The following CDYL variants were observed in gnomAD, a reference collection of about 807,000 sequenced individuals.
CDYL encodes the protein chromodomain Y-like protein.
In CDYL, 8 loss-of-function variants were observed where a neutral mutation model predicts 47.3. The ratio of observed to expected loss-of-function variants is 0.17; its 90% CI spans 0.10 to 0.31. CDYL has a LOEUF of 0.31. CDYL is among the 10% of genes least tolerant of loss of function. CDYL has a pLI of 1.00. For synonymous variants in CDYL, 266 were observed against 265.0 expected, an observed-to-expected ratio of 1.00 and a Z score of -0.04; for missense variants, 471 against 701.4, an observed-to-expected ratio of 0.67 and a Z score of 3.71.
intron 1 of CDYL, among the ~76,000 whole-genome samples, chr6:4,710,882 A>T (rs2127406277): frequency 6.6e-6 from 1 of 151,206 alleles, no homozygotes; most frequent in South Asian, 2.1e-4. Flanking sequence ...TGAATGCTGG[A>T]AATTGGCAAA....
chr6:4,866,435 G>A (rs1761325006), intron 1 of CDYL, among the ~76,000 whole-genome samples: 1 of 152,022 alleles, frequency 6.6e-6, no homozygotes, highest in African/African-American at 2.4e-5. Context: ...ACATCTACAG[G>A]AATAGCAAGT....
At chr6:4,714,428 G>C (rs1239644193) in intron 1 of CDYL, 1 of 152,240 alleles carries the variant, frequency 6.6e-6, no homozygotes, top group African/African-American at 2.4e-5. Context: ...TCACAGAACT[G>C]TTGTGAAGAC....
chr6:4,876,434 G>A (rs1222949562), intron 1 of CDYL, among the ~76,000 whole-genome samples: 1 of 152,136 alleles, frequency 6.6e-6, no homozygotes, highest in Non-Finnish European at 1.5e-5. Context: ...CAAAGTGGCT[G>A]TCCCATTTTA....
intron 1 of CDYL, among the ~76,000 whole-genome samples, chr6:4,795,768 A>T (rs868234904): frequency 1.4e-5 from 2 of 144,592 alleles, no homozygotes; most frequent in African/African-American, 2.6e-5. Context: ...CTTGTCTTTC[A>T]TTATTTCTGG....
intron 1 of CDYL, among the ~76,000 whole-genome samples, chr6:4,843,756 T>C (rs1429118639): frequency 6.6e-6 from 1 of 152,190 alleles, no homozygotes; most frequent in Non-Finnish European, 1.5e-5. Flanking sequence ...TTTTATTAAG[T>C]TGGACTTTAC....
At chr6:4,772,279 A>C (rs891291129), upstream of CDYL, among the ~76,000 whole-genome samples, 8 of 152,218 alleles carry the variant, frequency 5.3e-5, no homozygotes, top group African/African-American at 1.7e-4. Flanking sequence ...GCAGTGTGGC[A>C]GCTGGCTACT....
At chr6:4,924,579 C>A (rs899607834) in intron 2 of CDYL, among the ~76,000 whole-genome samples, 1 of 152,172 alleles carries the variant, frequency 6.6e-6, no homozygotes, top group Non-Finnish European at 1.5e-5. Context: ...TCCTCACTCC[C>A]CATTGAGCTC....
chr6:4,931,528 C>A (rs1168474551), intron 2 of CDYL, among the ~76,000 whole-genome samples: 1 of 152,090 alleles, frequency 6.6e-6, no homozygotes, highest in Non-Finnish European at 1.5e-5. Flanking sequence ...ACATGAGAAC[C>A]CCGGGTGATG....
chr6:4,905,848 T>C (rs1347904480), intron 2 of CDYL, among the ~76,000 whole-genome samples: 1 of 152,244 alleles, frequency 6.6e-6, no homozygotes, highest in Non-Finnish European at 1.5e-5. Flanking sequence ...GTAACATGCA[T>C]AGATTGCATA....
rs376971832 is a variant in CDYL, at chr6:4,952,284, A to G, written c.1351A>G (p.Ser451Gly). Residue 451 changes from serine (S) to glycine (G), a missense_variant, in exon 6 of 7, where the codon AGT becomes GGT. Coordinates refer to ENST00000397588, the MANE Select transcript of CDYL (RefSeq NM_004824.4). ...CTTGCAGGCAAACGAGATGCTGCTC[A>G]GTGGACGGAAGCTGACAGCGCAGGA... ...GGASANEMLLSGRKLTAQEAC... is the reference protein window; with the variant it reads ...GGASANEMLLGGRKLTAQEAC... 6.2e-6 allele frequency: 10 copies of G among 1,613,776 alleles called. No homozygotes were observed. The African/African-American group carries it at 1.3e-4, about 22-fold the overall frequency.
intron 3 of CDYL, among the ~76,000 whole-genome samples, chr6:4,738,029 G>A (rs1757733785): frequency 6.6e-6 from 1 of 152,126 alleles, no homozygotes; most frequent in Non-Finnish European, 1.5e-5. Flanking sequence ...AAACTTTAAA[G>A]AAAATACAAT....
intron 2 of CDYL, among the ~76,000 whole-genome samples, chr6:4,905,106 C>G (rs970562379): frequency 1.7e-4 from 26 of 152,198 alleles, no homozygotes; most frequent in Non-Finnish European, 1.5e-5. Flanking sequence ...GTTGGATAAA[C>G]AAAGCCAGCC....
chr6:4,919,222 C>G (rs1311158131), intron 2 of CDYL, among the ~76,000 whole-genome samples: 1 of 152,008 alleles, frequency 6.6e-6, no homozygotes, highest in Admixed American at 6.5e-5. Context: ...TTGATGAGGC[C>G]TGGATCCTAC....
chr6:4,849,582 C>T (rs1254791132), intron 1 of CDYL, among the ~76,000 whole-genome samples: 1 of 151,954 alleles, frequency 6.6e-6, no homozygotes, highest in African/African-American at 2.4e-5. Flanking sequence ...CTTTCTTTCT[C>T]CACTGCTTTT....
chr6:4,944,402 A>G lies in CDYL; in HGVS notation c.1332+646A>G, dbSNP rs1292442213. Among the ~76,000 whole-genome samples, 2 of 152,222 alleles carry G rather than the reference A, an allele frequency of 1.3e-5. 1 individual carries two copies. Among genetic ancestry groups the G allele is most frequent in the Non-Finnish European group, 2.9e-5 (2 of 68,038 alleles). ...CAGAGGAAGAGGTCAAAGTGATACT[A>G]TGCCCATCATCCTTAGGGGTGGGAT... On this transcript the variant is annotated intron_variant, in intron 5 of 6. Coordinates refer to ENST00000397588, the MANE Select transcript of CDYL (RefSeq NM_004824.4).
At chr6:4,861,481 G>C (rs1266457129) in intron 1 of CDYL, among the ~76,000 whole-genome samples, 2 of 152,218 alleles carry the variant, frequency 1.3e-5, no homozygotes, top group Non-Finnish European at 2.9e-5. Flanking sequence ...TTTTTTGAGG[G>C]CCAAGAGGGC....
intron 1 of CDYL, among the ~76,000 whole-genome samples, chr6:4,881,732 ATT>A (rs1761767123): frequency 6.6e-6 from 1 of 152,200 alleles, no homozygotes; most frequent in African/African-American, 2.4e-5. Flanking sequence ...GAGTATTTAT[ATT>A]TATTCACAAT....
intron 4 of CDYL, among the ~76,000 whole-genome samples, chr6:4,940,218 G>C (rs552381855): frequency 6.6e-6 from 1 of 152,346 alleles, no homozygotes; most frequent in East Asian, 1.9e-4. Flanking sequence ...CTTGTGAAGA[G>C]CCAAGTCCTG....
intron 1 of CDYL, among the ~76,000 whole-genome samples, chr6:4,777,031 G>T (rs1387718727): frequency 9.7e-5 from 14 of 144,456 alleles, no homozygotes; most frequent in Non-Finnish European, 2.1e-4. Context: ...GGTGGGGGGG[G>T]GGGTCCCAGC....
Sources: allele counts gnomAD v4.1 joint callset (sites outside exome capture counted in the v4.1 genomes callset), GRCh38; gene constraint gnomAD v4.1.1; transcripts MANE v1.5; gene names NCBI Gene and HGNC (gene_info 2026-07-23, HGNC 2026-07-21).